Variants in RBM33 observed in about 807,000 individuals in gnomAD.
RBM33 encodes RNA-binding protein 33.
In RBM33, 28 loss-of-function variants were observed where a neutral mutation model predicts 132.6. The observed-to-expected ratio is 0.21, with a 90% CI of 0.16 to 0.29. RBM33 has a LOEUF of 0.29. Among genes scored for constraint, RBM33 ranks in the 10% least tolerant of loss-of-function variants. The pLI, the probability that RBM33 is intolerant of heterozygous loss-of-function variation, is 1.00. For synonymous variants in RBM33, 634 were observed against 593.0 expected (o/e 1.07, Z -1.01); for missense variants, 1,291 against 1,518.5 (o/e 0.85, Z 2.49).
intron 16 of RBM33, among the ~76,000 whole-genome samples, chr7:155,772,281 AGGTTCGGGTTAGGTTAG>A (rs141711500): frequency 0.28 from 43,135 of 152,010 alleles, 7,089 homozygotes; most frequent in East Asian, 0.49. Flanking sequence ...GTTAGGGTTT[AGGTTCGGGTTAGGTTAG>A]GGTTAGGGTT....
chr7:155,727,546 C>T (rs765676507), intron 9 of RBM33, among the ~76,000 whole-genome samples: 1 of 152,122 alleles, frequency 6.6e-6, no homozygotes, highest in Non-Finnish European at 1.5e-5. Flanking sequence ...TGACACTGTG[C>T]GCTTCATGAG....
At chr7:155,768,613 T>C (rs1387135627) in intron 16 of RBM33, among the ~76,000 whole-genome samples, 1 of 152,194 alleles carries the variant, frequency 6.6e-6, no homozygotes, top group African/African-American at 2.4e-5. Flanking sequence ...TAACTGCATG[T>C]TATTTTTTGT....
intron 1 of RBM33, among the ~76,000 whole-genome samples, chr7:155,649,382 C>T (rs116342916): frequency 1.5e-3 from 233 of 152,276 alleles, no homozygotes; most frequent in African/African-American, 5.4e-3. Flanking sequence ...CTTCCTGGCA[C>T]ATAGCATGTG....
intron 9 of RBM33, among the ~76,000 whole-genome samples, chr7:155,729,742 CAAAA>C (rs5888634): frequency 0.091 from 9,260 of 101,352 alleles, 419 homozygotes; most frequent in African/African-American, 0.16. Flanking sequence ...GTCTCTTTAA[CAAAA>C]AAAAAAAAAA....
chr7:155,737,331 C>T (rs114138721), intron 9 of RBM33, among the ~76,000 whole-genome samples, 199 bp from the exon 10 acceptor site: 2,242 of 142,934 alleles, frequency 0.016, 49 homozygotes, highest in African/African-American at 0.06. Context: ...AGAATGTATC[C>T]TGTCATTAAG....
At chr7:155,699,941 C>T (rs1563149910) in intron 5 of RBM33, among the ~76,000 whole-genome samples, 1 of 152,124 alleles carries the variant, frequency 6.6e-6, no homozygotes, top group Non-Finnish European at 1.5e-5. Context: ...ATTAACCTTG[C>T]TCTCTGTAGG....
intron 16 of RBM33, among the ~76,000 whole-genome samples, chr7:155,771,913 A>T (rs1563185371): frequency 6.6e-6 from 1 of 150,862 alleles, no homozygotes; most frequent in Non-Finnish European, 1.5e-5. Context: ...CTAATTTTTG[A>T]TTTTTTTTTG....
chr7:155,749,255 C>T (rs1242582483), intron 14 of RBM33, among the ~76,000 whole-genome samples: 2 of 152,082 alleles, frequency 1.3e-5, no homozygotes, highest in Admixed American at 6.5e-5. Context: ...TCTAAGGCCC[C>T]TTTTAGAAAT....
At chr7:155,773,411 CA>C (rs1802493975) in intron 16 of RBM33, among the ~76,000 whole-genome samples, 1 of 151,634 alleles carries the variant, frequency 6.6e-6, no homozygotes, top group African/African-American at 2.4e-5. Context: ...ACTAAAAATA[CA>C]AAAAATTAGC....
chr7:155,744,050 G>T (rs932099640), intron 13 of RBM33, among the ~76,000 whole-genome samples: 5 of 152,158 alleles, frequency 3.3e-5, no homozygotes, highest in Non-Finnish European at 7.3e-5. Flanking sequence ...GTGAGGGCTG[G>T]CACCGGGCAC....
intron 8 of RBM33, among the ~76,000 whole-genome samples, chr7:155,712,963 G>T (rs867505171): frequency 2.0e-5 from 3 of 152,230 alleles, no homozygotes; most frequent in Non-Finnish European, 2.9e-5. Flanking sequence ...GTGGAAGCTG[G>T]TGTCTAGCTA....
intron 5 of RBM33, among the ~76,000 whole-genome samples, chr7:155,683,168 A>G (rs1321706305): frequency 1.3e-5 from 2 of 152,200 alleles, no homozygotes; most frequent in Non-Finnish European, 2.9e-5. Context: ...TTGCTTTATG[A>G]TGATCACAAT....
intron 13 of RBM33, among the ~76,000 whole-genome samples, chr7:155,743,347 T>C (rs1801411288): frequency 6.6e-6 from 1 of 152,218 alleles, no homozygotes; most frequent in Admixed American, 6.5e-5. Context: ...AAGTCACACA[T>C]TCATAATAAC....
At chr7:155,657,787 T>C (rs541453985) in intron 1 of RBM33, among the ~76,000 whole-genome samples, 6 of 152,330 alleles carry the variant, frequency 3.9e-5, no homozygotes, top group Admixed American at 2.6e-4. Flanking sequence ...TTATAAAATA[T>C]TGGGATTTTG....
intron 9 of RBM33, among the ~76,000 whole-genome samples, chr7:155,733,494 T>TTTAATGTCATAAGTTTTAGTATTTTAAAA (rs371707109): frequency 1.3e-5 from 2 of 152,212 alleles, no homozygotes; most frequent in Non-Finnish European, 1.5e-5. Context: ...TCATAAGTTT[T>TTTAATGTCATAAGTTTTAGTATTTTAAAA]AGCTTCCTCA....
intron 4 of RBM33, among the ~76,000 whole-genome samples, chr7:155,679,454 A>G (rs1799276878): frequency 6.6e-6 from 1 of 152,020 alleles, no homozygotes; most frequent in Admixed American, 6.5e-5. Context: ...GACTGATACG[A>G]TGAATGTCTT....
intron 5 of RBM33, among the ~76,000 whole-genome samples, chr7:155,693,774 A>T (rs1292331532): frequency 6.6e-6 from 1 of 151,866 alleles, no homozygotes; most frequent in East Asian, 1.9e-4. Context: ...TCAATGAGAT[A>T]ATTATTGGGA....
chr7:155,781,042 A>C lies in RBM33; in HGVS notation c.*6001A>C, dbSNP rs1011498107. On this transcript the variant is annotated 3_prime_UTR_variant, in exon 18 of 18. Transcript: ENST00000401878. ...TGTTAGTGGTAGCGTGGCTCACTCC[A>C]CTTGGAGGTGGCGGCCGTCTGACCG... 2.0e-5 allele frequency: 3 copies of C among 152,674 alleles called. No homozygotes were observed. Among genetic ancestry groups the C allele is most frequent in the Non-Finnish European group, 4.4e-5 (3 of 68,082 alleles). The allele number at this position is 152,674 out of a possible 1,614,324, so 9.5% of individuals were successfully genotyped here.
intron 6 of RBM33, among the ~76,000 whole-genome samples, chr7:155,702,710 C>T (rs1215690609): frequency 1.3e-5 from 2 of 152,052 alleles, no homozygotes; most frequent in East Asian, 3.8e-4. Context: ...CCCACAGCCA[C>T]CACCTGGAAG....
Sources: allele counts gnomAD v4.1 joint callset (sites outside exome capture counted in the v4.1 genomes callset), GRCh38; gene constraint gnomAD v4.1.1; transcripts MANE v1.5; gene names NCBI Gene and HGNC (gene_info 2026-07-23, HGNC 2026-07-21).